HOOK2: variants seen among roughly 807,000 people sequenced by gnomAD.
HOOK2 encodes the protein protein Hook homolog 2.
A neutral mutation model predicts 111.9 loss-of-function variants in HOOK2; 108 were observed. The ratio of observed to expected loss-of-function variants is 0.96; its 90% CI spans 0.83 to 1.13. HOOK2 has a LOEUF of 1.13. HOOK2 is among the 50% of genes most tolerant of loss of function. The probability of loss-of-function intolerance (pLI) is 0.00; values close to 1 mark genes in which losing one functional copy is unlikely to be tolerated. For synonymous variants in HOOK2, 405 were observed against 394.3 expected, an observed-to-expected ratio of 1.03 and a Z score of -0.32; for missense variants, 978 against 951.3, an observed-to-expected ratio of 1.03 and a Z score of -0.37.
chr19:12,790,866 A>T lies in HOOK2; in HGVS notation n.42-16641T>A, dbSNP rs137914046. On this transcript the variant is annotated intron_variant and non_coding_transcript_variant, in intron 3 of 3. Coordinates refer to the HOOK2 transcript ENST00000589765. This position sits in a 1 kb window ranked among gnomAD's most constrained non-coding sequence, Gnocchi z 7.2. Reference sequence around the variant, plus strand: ...AGCTCCCATGAGCTCCTGGACCCCTACTCATTTCTTGCAATTTAATGGGTC... The same window carrying T: ...AGCTCCCATGAGCTCCTGGACCCCTTCTCATTTCTTGCAATTTAATGGGTC... Among the ~76,000 whole-genome samples, 2 of 151,488 alleles carry T rather than the reference A, an allele frequency of 1.3e-5. No homozygotes were observed. The highest frequency in any genetic ancestry group is 4.8e-5 in the African/African-American group (2 of 41,250).
chr19:12,792,349 C>G, intron 3 of HOOK2: 2 of 1,539,430 alleles, frequency 1.3e-6, no homozygotes, highest in Non-Finnish European at 1.8e-6. Flanking sequence ...CCAGCCTCTG[C>G]GTCCTCGGGA....
intron 11 of HOOK2, among the ~76,000 whole-genome samples, chr19:12,768,907 C>T (rs1331450354): frequency 1.3e-5 from 2 of 151,920 alleles, no homozygotes; most frequent in African/African-American, 2.4e-5. Flanking sequence ...AAGCTATTCT[C>T]GTGCTTCAGC....
Position 12,786,006 on chromosome 19 carries a change from G to A in HOOK2, n.42-11781C>T, listed in dbSNP as rs1383929947. Among the ~76,000 whole-genome samples, 1 of 152,198 alleles carries A rather than the reference G, an allele frequency of 6.6e-6. No individual in the cohort carries two copies. The highest frequency in any genetic ancestry group is 2.4e-5 in the African/African-American group (1 of 41,444). On this transcript the variant is annotated intron_variant and non_coding_transcript_variant, in intron 3 of 3. Coordinates refer to the HOOK2 transcript ENST00000589765. This position sits in a 1 kb window ranked among gnomAD's most constrained non-coding sequence, Gnocchi z 4.3. ...TTCACCAGCAGTGGCAGGGATGGAA[G>A]CAGCTTCCTGAGAAACTCCCCTCAT...
intron 18 of HOOK2, 160 bp from the exon 19 acceptor site, chr19:12,765,241 C>T (rs985780094): frequency 1.5e-6 from 1 of 683,922 alleles, no homozygotes; most frequent in Admixed American, 2.6e-5. Flanking sequence ...GCCCTGGTCC[C>T]ACCGGCTCCA....
chr19:12,788,104 T>A (rs957821686), intron 3 of HOOK2, among the ~76,000 whole-genome samples: 1 of 152,100 alleles, frequency 6.6e-6, no homozygotes, highest in Non-Finnish European at 1.5e-5. Context: ...AAAGAGGCCC[T>A]TCATGAGACG....
intron 3 of HOOK2, among the ~76,000 whole-genome samples, chr19:12,783,516 C>T (rs572556404): frequency 6.6e-6 from 1 of 152,050 alleles, no homozygotes; most frequent in South Asian, 2.1e-4. Flanking sequence ...TCGAGCCTGG[C>T]CTCCTGGGGG....
At chr19:12,782,357 T>C (rs531353583), upstream of HOOK2, among the ~76,000 whole-genome samples, 1 of 152,348 alleles carries the variant, frequency 6.6e-6, no homozygotes, top group South Asian at 2.1e-4. Context: ...GGCAGGTGTA[T>C]CCTGCGTCCG....
rs780941724 is a variant in HOOK2, at chr19:12,764,839, C to T, written c.1802G>A (p.Arg601His). 29 of 1,613,828 alleles carry T rather than the reference C, an allele frequency of 1.8e-5. No individual in the cohort carries two copies. Among genetic ancestry groups the T allele is most frequent in the Middle Eastern group, 3.3e-4 (2 of 6,036 alleles). Reference protein sequence around the residue: ...ADLRAMEERYRRYVDKARMVM... With the variant: ...ADLRAMEERYHRYVDKARMVM... ...CATGCGGGCCTTGTCCACGTAGCGGCGGTATCGCTCCTCCATGGCCCGCAA... is the reference window on the plus strand; with the variant it reads ...CATGCGGGCCTTGTCCACGTAGCGGTGGTATCGCTCCTCCATGGCCCGCAA... The change falls in exon 20 of 23, where the codon CGC (arginine) becomes CAC (histidine). Residue 601 changes from arginine (R) to histidine (H), a missense_variant. By Grantham distance (29) the Arg-to-His change is conservative. Transcript: ENST00000397668.
At chr19:12,777,224 A>G (rs930097269), upstream of HOOK2, among the ~76,000 whole-genome samples, 7 of 152,008 alleles carry the variant, frequency 4.6e-5, no homozygotes, top group African/African-American at 1.7e-4. Context: ...CTGTAATCCC[A>G]GCACTTTGGG....
chr19:12,772,784 C>T lies in HOOK2; in HGVS notation c.384G>A (p.Lys128=). Residue 128 remains lysine, a synonymous_variant, in exon 5 of 23, where the codon AAG becomes AAA. Coordinates refer to ENST00000397668, the MANE Select transcript of HOOK2 (RefSeq NM_013312.3). ...GACCCCCTAAGCTCCCCATACCCTG[C>T]TTTTTCTCGCAACTGATGGCACAGC... ...VLGCAISCEK[K]QDHIQRIMTL... 6.2e-7 allele frequency: 1 copy of T among 1,614,166 alleles called. No individual in the cohort carries two copies. The highest frequency in any genetic ancestry group is 2.2e-5 in the East Asian group (1 of 44,888).
intron 10 of HOOK2, among the ~76,000 whole-genome samples, chr19:12,770,590 G>C (rs1968292280): frequency 6.6e-6 from 1 of 151,740 alleles, no homozygotes; most frequent in Non-Finnish European, 1.5e-5. Flanking sequence ...ATGGGATCCA[G>C]GGGCATTATG....
chr19:12,782,485 T>G (rs1599519190), upstream of HOOK2, among the ~76,000 whole-genome samples: 1 of 152,180 alleles, frequency 6.6e-6, no homozygotes, highest in Non-Finnish European at 1.5e-5. Flanking sequence ...GCAGAGGGCC[T>G]CCCGCCCCGC....
intron 3 of HOOK2, chr19:12,773,383 G>T: frequency 3.5e-6 from 1 of 282,110 alleles, no homozygotes; most frequent in South Asian, 4.2e-5. Flanking sequence ...CCAGTAGCTG[G>T]GACTACAGGC....
chr19:12,773,623 C>G (rs1360375964), intron 3 of HOOK2, among the ~76,000 whole-genome samples: 1 of 152,136 alleles, frequency 6.6e-6, no homozygotes, highest in Non-Finnish European at 1.5e-5. Context: ...TTCAGCCCTA[C>G]CCATCCATCT....
intron 7 of HOOK2, 57 bp from the exon 8 acceptor site, chr19:12,771,534 G>C (rs952986550): frequency 6.8e-7 from 1 of 1,468,816 alleles, no homozygotes; most frequent in African/African-American, 1.4e-5. Context: ...CGGGGGGAGG[G>C]AGGCTGAGAT....
Position 12,763,393 on chromosome 19 carries a change from C to T in HOOK2, c.2049G>A (p.Ala683=), listed in dbSNP as rs201973967. 132 of 1,613,902 alleles carry T rather than the reference C, an allele frequency of 8.2e-5. No homozygotes were observed. The highest frequency in any genetic ancestry group is 6.6e-4 in the Middle Eastern group (4 of 6,076). Residue 683 remains alanine, a synonymous_variant, in exon 23 of 23, where the codon GCG becomes GCA. Coordinates refer to ENST00000397668, the MANE Select transcript of HOOK2 (RefSeq NM_013312.3). ...ALQQRAGEER[A]PAHAQSFLAQ... ...CCAGGAATGACTGGGCATGGGCAGG[C>T]GCCCGCTCCTCCCCAGCTCGCTGCT... is the stretch of plus-strand genomic sequence containing the variant.
chr19:12,780,747 G>A (rs1968592896), upstream of HOOK2, among the ~76,000 whole-genome samples: 5 of 137,800 alleles, frequency 3.6e-5, no homozygotes, highest in South Asian at 1.2e-3. Flanking sequence ...GGAAGGCCGA[G>A]GTGGGCGGAT....
Position 12,791,587 on chromosome 19 carries a change from G to C in HOOK2, n.42-17362C>G, listed in dbSNP as rs905902860. 7.7e-6 allele frequency: 4 copies of C among 517,230 alleles called. 1 individual carries two copies. The highest frequency in any genetic ancestry group is 6.1e-5 in the African/African-American group (3 of 49,144). The allele number at this position is 517,230 out of a possible 1,614,324, so 32.0% of individuals were successfully genotyped here. A position where few individuals can be genotyped will look rare whatever the true frequency, so the allele number is the denominator to read the frequency against. On this transcript the variant is annotated intron_variant and non_coding_transcript_variant, in intron 3 of 3. Transcript: ENST00000589765. This position sits in a 1 kb window ranked among gnomAD's most constrained non-coding sequence, Gnocchi z 7.0. ...TATCGCGCCAGAGAGGGCGACGGGGGCTCGGGAAGCCTGACAGGGCTTTTG... is the reference window on the plus strand; with the variant it reads ...TATCGCGCCAGAGAGGGCGACGGGGCCTCGGGAAGCCTGACAGGGCTTTTG...
intron 7 of HOOK2, chr19:12,771,755 G>C: frequency 2.2e-6 from 1 of 464,884 alleles, no homozygotes; most frequent in Non-Finnish European, 4.0e-6. Context: ...GGTGGCGTGT[G>C]CCTGTAGTCC....
Sources: gnomAD v4.1 joint callset for allele counts (sites outside exome capture counted in the v4.1 genomes callset) on GRCh38, gnomAD v4.1.1 for gene constraint, Gnocchi (gnomAD v3.1) non-coding constraint, MANE v1.5 for transcripts, NCBI Gene and HGNC (gene_info 2026-07-23, HGNC 2026-07-21) for gene names.